ATP6V0A4: variants seen among roughly 807,000 people sequenced by gnomAD.
ATP6V0A4 encodes the protein V-type proton ATPase 116 kDa subunit a 4.
In ATP6V0A4, 86 loss-of-function variants were observed where a neutral mutation model predicts 107.3. The observed-to-expected ratio is 0.80, with a 90% confidence interval of 0.67 to 0.96. The LOEUF is 0.96. Among genes scored for constraint, ATP6V0A4 ranks in the 40% least tolerant of loss-of-function variants. The pLI is 0.00. For missense variants in ATP6V0A4, 908 were observed against 1,045.6 expected, an observed-to-expected ratio of 0.87 and a Z score of 1.81; for synonymous variants, 353 against 381.4, an observed-to-expected ratio of 0.93 and a Z score of 0.87.
At chr7:138,791,551 G>A (rs1199296196) in intron 1 of ATP6V0A4, among the ~76,000 whole-genome samples, 2 of 152,016 alleles carry the variant, frequency 1.3e-5, no homozygotes, top group African/African-American at 2.4e-5. Flanking sequence ...GAAAACCAAA[G>A]GCAAAGAAAA....
intron 1 of ATP6V0A4, among the ~76,000 whole-genome samples, chr7:138,794,361 G>A (rs1808556638): frequency 6.6e-6 from 1 of 152,068 alleles, no homozygotes; most frequent in African/African-American, 2.4e-5. Flanking sequence ...GGTGGCAACG[G>A]GGCCTATCAG....
chr7:138,759,747 C>A lies in ATP6V0A4; in HGVS notation c.639+5G>T. On this transcript the variant is annotated splice_donor_5th_base_variant and intron_variant, in intron 8 of 21. Transcript: ENST00000310018. ...GAGAAAGTTTTTGCAGCCCAAGGTT[C>A]CCACCGTCACAGGATCCTCCAGAGG... 6.2e-7 allele frequency: 1 copy of A among 1,614,106 alleles called. No homozygotes were observed. The highest frequency in any genetic ancestry group is 8.5e-7 in the Non-Finnish European group (1 of 1,180,020).
chr7:138,780,503 A>C (rs963582956), intron 2 of ATP6V0A4, among the ~76,000 whole-genome samples: 11 of 152,166 alleles, frequency 7.2e-5, no homozygotes, highest in Admixed American at 7.2e-4. Context: ...CACCCCAGGG[A>C]ATAGTGCCAT....
intron 21 of ATP6V0A4, among the ~76,000 whole-genome samples, chr7:138,707,741 C>T (rs1803520357): frequency 6.6e-6 from 1 of 151,248 alleles, no homozygotes; most frequent in Admixed American, 6.7e-5. Flanking sequence ...TCTCATCTGT[C>T]TCTTACCACC....
chr7:138,779,127 G>A (rs1280448448), intron 2 of ATP6V0A4, among the ~76,000 whole-genome samples: 1 of 152,054 alleles, frequency 6.6e-6, no homozygotes, highest in Non-Finnish European at 1.5e-5. Flanking sequence ...GATTGCTTGA[G>A]CCCAGGAGTT....
rs184529522 is a variant in ATP6V0A4 at position 138,795,260 on chromosome 7, T to C, written c.-121+2774A>G. The stretch of plus-strand genomic sequence containing the variant: ...CCATCTGTAGATAGGAGAATGTTTG[T>C]CCTACAAACAGCTCATCTAAAACAG... On this transcript the variant is annotated intron_variant, in intron 1 of 21. Transcript: ENST00000310018. Among the ~76,000 whole-genome samples, 74 of 152,232 alleles carry C rather than the reference T, an allele frequency of 4.9e-4. 1 individual carries two copies. The highest frequency in any genetic ancestry group is 1.6e-3 in the African/African-American group (67 of 41,546).
At chr7:138,761,830 C>T (rs1806834107) in intron 7 of ATP6V0A4, among the ~76,000 whole-genome samples, 2 of 152,122 alleles carry the variant, frequency 1.3e-5, no homozygotes, top group African/African-American at 4.8e-5. Context: ...CAGGCACGTG[C>T]GACCATGCCT....
At chr7:138,725,976 A>T (rs1562985444) in intron 18 of ATP6V0A4, among the ~76,000 whole-genome samples, 1 of 142,338 alleles carries the variant, frequency 7.0e-6, no homozygotes, top group Non-Finnish European at 1.5e-5. Context: ...ACATGTTGAA[A>T]TGAAGTTTAT....
intron 21 of ATP6V0A4, 119 bp from the exon 22 acceptor site, chr7:138,706,836 A>T: frequency 6.6e-7 from 1 of 1,517,498 alleles, no homozygotes; most frequent in East Asian, 2.5e-5. Flanking sequence ...CAAAGTCAGA[A>T]GGGTTGGCCA....
intron 20 of ATP6V0A4, among the ~76,000 whole-genome samples, chr7:138,715,177 C>A (rs1377531591): frequency 6.6e-6 from 1 of 152,158 alleles, no homozygotes; most frequent in Non-Finnish European, 1.5e-5. Context: ...AACTGGAAGA[C>A]ACCAAATTTG....
chr7:138,787,651 T>A (rs746120405), intron 1 of ATP6V0A4, among the ~76,000 whole-genome samples: 5 of 151,950 alleles, frequency 3.3e-5, no homozygotes, highest in Admixed American at 1.3e-4. Flanking sequence ...CAACACCCTG[T>A]CTCTAAATAA....
intron 17 of ATP6V0A4, 49 bp from the exon 18 acceptor site, chr7:138,728,911 G>A (rs1484070434): frequency 6.2e-7 from 1 of 1,612,976 alleles, no homozygotes; most frequent in Non-Finnish European, 8.5e-7. Flanking sequence ...TGGCAGAACA[G>A]CACACTTTAC....
intron 17 of ATP6V0A4, among the ~76,000 whole-genome samples, chr7:138,729,818 T>C (rs1262751200): frequency 6.6e-6 from 1 of 152,208 alleles, no homozygotes; most frequent in Non-Finnish European, 1.5e-5. Context: ...CAATTTATTA[T>C]CCCAATTGTA....
At chr7:138,710,192 A>ATTT (rs56391137) in intron 20 of ATP6V0A4, among the ~76,000 whole-genome samples, 1,812 of 135,240 alleles carry the variant, frequency 0.013, 45 homozygotes, top group East Asian at 0.062. Context: ...CTGTCTGTTA[A>ATTT]TTTTTTTTTT....
At chr7:138,775,575 C>A (rs1051521387) in intron 2 of ATP6V0A4, among the ~76,000 whole-genome samples, 1 of 151,166 alleles carries the variant, frequency 6.6e-6, no homozygotes, top group African/African-American at 2.4e-5. Flanking sequence ...CTCCTGGGCT[C>A]AAGTGATCCT....
intron 1 of ATP6V0A4, among the ~76,000 whole-genome samples, chr7:138,787,507 C>T (rs1808224627): frequency 6.6e-6 from 1 of 152,128 alleles, no homozygotes; most frequent in African/African-American, 2.4e-5. Context: ...AGATGAGGAG[C>T]TAGGCATGGT....
chr7:138,721,283 A>G (rs1464923036), intron 19 of ATP6V0A4, among the ~76,000 whole-genome samples: 1 of 152,170 alleles, frequency 6.6e-6, no homozygotes, highest in Non-Finnish European at 1.5e-5. Flanking sequence ...TCATGCCTGT[A>G]ATCCCAGCAC....
rs755992691 is a variant in ATP6V0A4, at chr7:138,745,183, G to A, written c.1418C>T (p.Ser473Phe). The A allele has an allele frequency of 1.3e-5, 21 of 1,614,096 alleles. No homozygotes were observed. In the East Asian group the frequency reaches 4.2e-4, roughly 33 times the overall value. ...GLIYNDCFSK[S>F]LNIFGSSWSV... ...CCAAGAAGAGCCAAAGATGTTCAAGGACTTGGAGAAGCAGTCATTGTAGAT... is the reference window on the plus strand; with the variant it reads ...CCAAGAAGAGCCAAAGATGTTCAAGAACTTGGAGAAGCAGTCATTGTAGAT... The change falls in exon 14 of 22, where the codon TCC becomes TTC. Residue 473 changes from serine (S) to phenylalanine (F), a missense_variant. Coordinates refer to ENST00000310018, the MANE Select transcript of ATP6V0A4 (RefSeq NM_020632.3).
intron 21 of ATP6V0A4, 95 bp from the exon 22 acceptor site, chr7:138,706,812 C>T (rs767396201): frequency 5.9e-5 from 92 of 1,547,126 alleles, no homozygotes; most frequent in Admixed American, 2.0e-4. Context: ...GCAGAGCGTT[C>T]GTAAAATCAA....
Sources: allele counts gnomAD v4.1 joint callset (sites outside exome capture counted in the v4.1 genomes callset), GRCh38; gene constraint gnomAD v4.1.1; transcripts MANE v1.5; gene names NCBI Gene and HGNC (gene_info 2026-07-23, HGNC 2026-07-21).